Variants in DPYD observed in about 807,000 individuals in gnomAD.
DPYD encodes the protein dihydropyrimidine dehydrogenase [NADP(+)].
Under a neutral mutation model 116.2 loss-of-function variants are expected in DPYD, and 109 were observed. The observed-to-expected ratio is 0.94, with a 90% CI of 0.80 to 1.10. The LOEUF (loss-of-function observed/expected upper bound fraction) is 1.10, where lower values mean the gene tolerates loss of function less well. DPYD is among the 50% of genes least tolerant of loss of function. The pLI is 0.00. For missense variants in DPYD, 1,302 were observed against 1,254.5 expected, an observed-to-expected ratio of 1.04 and a Z score of -0.57; for synonymous variants, 440 against 432.0, an observed-to-expected ratio of 1.02 and a Z score of -0.23.
At chr1:97,730,959 A>T (rs1405637873) in intron 4 of DPYD, among the ~76,000 whole-genome samples, 1 of 152,110 alleles carries the variant, frequency 6.6e-6, no homozygotes, top group Admixed American at 6.6e-5. Context: ...AGCAAATGAG[A>T]ATCTTTAAGT....
At chr1:97,782,043 C>T (rs1353928931) in intron 3 of DPYD, among the ~76,000 whole-genome samples, 1 of 151,968 alleles carries the variant, frequency 6.6e-6, no homozygotes, top group Non-Finnish European at 1.5e-5. Context: ...TCTCTTAGAC[C>T]GAAAAGTGCA....
chr1:97,631,498 G>A (rs1169341417), intron 8 of DPYD, among the ~76,000 whole-genome samples: 1 of 152,022 alleles, frequency 6.6e-6, no homozygotes, highest in Non-Finnish European at 1.5e-5. Context: ...AAGTGCTTAT[G>A]TGAACCCAAT....
chr1:97,176,531 A>C (rs901132518), intron 20 of DPYD, among the ~76,000 whole-genome samples: 1 of 152,228 alleles, frequency 6.6e-6, no homozygotes, highest in Non-Finnish European at 1.5e-5. Context: ...TTTTTTGCCC[A>C]CTGCTGCTAT....
chr1:97,166,111 C>G (rs1368498933), intron 20 of DPYD, among the ~76,000 whole-genome samples: 2 of 152,056 alleles, frequency 1.3e-5, no homozygotes, highest in East Asian at 3.9e-4. Flanking sequence ...TTCTACCTAC[C>G]ATAAAGATAC....
At chr1:97,700,173 G>T in intron 5 of DPYD, 1 of 454,394 alleles carries the variant, frequency 2.2e-6, no homozygotes. Flanking sequence ...TCCCCTGAGG[G>T]ATTTGCGACT....
chr1:97,253,859 A>G (rs1053827138), intron 18 of DPYD, among the ~76,000 whole-genome samples: 7 of 152,114 alleles, frequency 4.6e-5, no homozygotes, highest in Non-Finnish European at 1.0e-4. Context: ...CAGTTTACCT[A>G]TATTATTTGG....
Position 97,266,637 on chromosome 1 carries a change from G to T in DPYD, c.2300-31643C>A, listed in dbSNP as rs566728449. Among the ~76,000 whole-genome samples the T allele has an allele frequency of 9.9e-5, 15 of 152,082 alleles. No individual in the cohort carries two copies. In the South Asian group the frequency reaches 3.1e-3, roughly 32 times the overall value. On this transcript the variant is annotated intron_variant, in intron 18 of 22. Transcript: ENST00000370192. ...GTTGGTTTGCTGCACCCATTAACTC[G>T]TCATTTACATTAAGTATTTCTCCTA...
At chr1:97,104,258 A>G (rs1650967301) in intron 20 of DPYD, among the ~76,000 whole-genome samples, 1 of 152,168 alleles carries the variant, frequency 6.6e-6, no homozygotes, top group Non-Finnish European at 1.5e-5. Flanking sequence ...TATATTTACA[A>G]AATCTTTCTG....
At chr1:97,902,083 C>T (rs1262814986) in intron 1 of DPYD, among the ~76,000 whole-genome samples, 1 of 151,712 alleles carries the variant, frequency 6.6e-6, no homozygotes, top group Admixed American at 6.6e-5. Flanking sequence ...TGGCTATTAC[C>T]CTTCTCAGTA....
intron 5 of DPYD, chr1:97,720,667 T>C: frequency 7.4e-7 from 1 of 1,349,942 alleles, no homozygotes; most frequent in Non-Finnish European, 9.5e-7. Context: ...GAACACATTG[T>C]GTTTATGCTG....
At chr1:97,417,991 C>G (rs1266687120) in intron 14 of DPYD, among the ~76,000 whole-genome samples, 1 of 152,140 alleles carries the variant, frequency 6.6e-6, no homozygotes, top group Non-Finnish European at 1.5e-5. Flanking sequence ...TTGATAAAGA[C>G]AAGCTATGCA....
rs138537486 is a variant in DPYD at position 97,562,838 on chromosome 1, C to T, written c.1339+10922G>A. ...GGTTCAAGTGATTCTCCTGCCTCAG[C>T]CCCCCCGAGTAGCTGGGATTACAGG... On this transcript the variant is annotated intron_variant, in intron 11 of 22. Transcript: ENST00000370192. Among the ~76,000 whole-genome samples, 451 of 151,936 alleles carry T rather than the reference C, an allele frequency of 3.0e-3. 2 individuals carry two copies. Among genetic ancestry groups the T allele is most frequent in the African/African-American group, 0.01 (426 of 41,422 alleles).
intron 18 of DPYD, among the ~76,000 whole-genome samples, chr1:97,277,203 C>T (rs369981650): frequency 3.3e-5 from 5 of 151,842 alleles, no homozygotes; most frequent in African/African-American, 1.2e-4. Context: ...CTTGGGACTA[C>T]CAGAGAAAGG....
At chr1:97,546,785 C>T in intron 12 of DPYD, 3 of 1,613,064 alleles carry the variant, frequency 1.9e-6, no homozygotes, top group Non-Finnish European at 1.7e-6. Context: ...AGATCAGACT[C>T]CTATATGGGT....
chr1:97,911,047 A>C (rs1673906900), intron 1 of DPYD, among the ~76,000 whole-genome samples: 1 of 152,130 alleles, frequency 6.6e-6, no homozygotes, highest in Admixed American at 6.5e-5. Flanking sequence ...AACGAATCAC[A>C]CAAAAGTTTC....
chr1:97,359,756 G>A (rs1670619771), intron 16 of DPYD, among the ~76,000 whole-genome samples: 2 of 152,174 alleles, frequency 1.3e-5, no homozygotes, highest in South Asian at 2.1e-4. Flanking sequence ...ACAAGCAAAT[G>A]CTGAGAGATT....
chr1:97,793,687 A>G (rs1173329070), intron 3 of DPYD, among the ~76,000 whole-genome samples: 1 of 152,184 alleles, frequency 6.6e-6, no homozygotes, highest in Non-Finnish European at 1.5e-5. Flanking sequence ...AACTTTGACC[A>G]TAACTCATAC....
chr1:97,677,372 T>C (rs2100912414), intron 8 of DPYD, among the ~76,000 whole-genome samples: 1 of 152,262 alleles, frequency 6.6e-6, no homozygotes, highest in African/African-American at 2.4e-5. Flanking sequence ...CAAATAGTTA[T>C]TTGATAACAT....
intron 2 of DPYD, chr1:97,856,956 G>C (rs1340327038): frequency 6.6e-6 from 1 of 152,222 alleles, no homozygotes; most frequent in African/African-American, 2.4e-5. Flanking sequence ...CATTCATTCT[G>C]TTAAACGGCA....
Sources: allele counts gnomAD v4.1 joint callset (sites outside exome capture counted in the v4.1 genomes callset), GRCh38; gene constraint gnomAD v4.1.1; transcripts MANE v1.5; gene names NCBI Gene and HGNC (gene_info 2026-07-23, HGNC 2026-07-21).